The following STRN3 variants were observed in gnomAD, a reference collection of about 807,000 sequenced individuals.
The protein encoded by STRN3 is striatin-3.
Under a neutral mutation model 95.6 loss-of-function variants are expected in STRN3, and 29 were observed. The observed-to-expected ratio is 0.30, with a 90% CI of 0.23 to 0.41. The LOEUF (loss-of-function observed/expected upper bound fraction) is 0.41. Ranked by LOEUF, STRN3 falls within the 10% of genes least tolerant of loss-of-function variation. The pLI, the probability that STRN3 is intolerant of heterozygous loss-of-function variation, is 1.00. For missense variants in STRN3, 890 were observed against 972.1 expected (o/e 0.92, Z 1.12); for synonymous variants, 331 against 357.6 (o/e 0.93, Z 0.84).
chr14:30,981,693 A>C (rs1387137635), intron 1 of STRN3, among the ~76,000 whole-genome samples: 1 of 152,170 alleles, frequency 6.6e-6, no homozygotes, highest in African/African-American at 2.4e-5. Flanking sequence ...CGACCTACCC[A>C]GTACCTGCTC....
At chr14:30,937,512 T>C (rs1049915936) in intron 5 of STRN3, among the ~76,000 whole-genome samples, 3 of 152,222 alleles carry the variant, frequency 2.0e-5, no homozygotes, top group Non-Finnish European at 4.4e-5. Context: ...TTTTATCCAC[T>C]TAACTAAATC....
chr14:30,924,051 T>G (rs1175517201), intron 8 of STRN3, among the ~76,000 whole-genome samples: 1 of 151,714 alleles, frequency 6.6e-6, no homozygotes, highest in African/African-American at 2.4e-5. Context: ...TATTAAAAAG[T>G]GAAAGAAAAC....
chr14:31,004,270 C>T (rs1349185905), intron 1 of STRN3, among the ~76,000 whole-genome samples: 1 of 151,142 alleles, frequency 6.6e-6, no homozygotes, highest in Non-Finnish European at 1.5e-5. Flanking sequence ...CCAGCCTAGG[C>T]AACAGGGTGC....
rs771925063 is a variant in STRN3, at chr14:30,956,204, T to C, written c.321A>G (p.Gln107=). 5.0e-6 allele frequency: 8 copies of C among 1,614,008 alleles called. No individual in the cohort carries two copies. Among genetic ancestry groups the C allele is most frequent in the Middle Eastern group, 1.6e-4 (1 of 6,062 alleles). Reference sequence around the variant, plus strand: ...TTACTAAGTCCTTCTTCAGGTTCTCTTGACCTTTTCTTTCGCCTTGTAGAA... The same window carrying C: ...TTACTAAGTCCTTCTTCAGGTTCTCCTGACCTTTTCTTTCGCCTTGTAGAA... ...IAFLQGERKG[Q]ENLKKDLVRR... The change falls in exon 2 of 18, where the codon CAA becomes CAG. Residue 107 remains glutamine, a synonymous_variant. Coordinates refer to ENST00000357479, the MANE Select transcript of STRN3 (RefSeq NM_001083893.2).
At chr14:30,944,568 TATACAC>T (rs778051167) in intron 5 of STRN3, among the ~76,000 whole-genome samples, 3 of 132,898 alleles carry the variant, frequency 2.3e-5, no homozygotes, top group African/African-American at 9.2e-5. Flanking sequence ...TATATATATA[TATACAC>T]ACACAGACAC....
intron 1 of STRN3, among the ~76,000 whole-genome samples, chr14:30,973,714 A>G (rs1287731940): frequency 6.6e-6 from 1 of 152,240 alleles, no homozygotes; most frequent in Admixed American, 6.5e-5. Context: ...CTGATACTAA[A>G]ATTCTCAACA....
At chr14:30,949,584 T>A (rs959520937) in intron 4 of STRN3, among the ~76,000 whole-genome samples, 5 of 151,700 alleles carry the variant, frequency 3.3e-5, no homozygotes, top group Non-Finnish European at 7.4e-5. Context: ...GTACTCCAGC[T>A]AAGGGAGGAG....
intron 5 of STRN3, among the ~76,000 whole-genome samples, chr14:30,945,719 G>A (rs941622471): frequency 9.2e-5 from 14 of 152,132 alleles, no homozygotes; most frequent in Non-Finnish European, 1.9e-4. Flanking sequence ...GCTATAACAC[G>A]GATAAACCTT....
In STRN3 at chr14:30,909,022, A is replaced by G. The variant is rs186108410; in HGVS notation, c.1721-1978T>C. On this transcript the variant is annotated intron_variant, in intron 13 of 17. Coordinates refer to ENST00000357479, the MANE Select transcript of STRN3 (RefSeq NM_001083893.2). ...CACCTGTTCTGTCCTCGTTTCAATAAATGCTCCCATCACATGCTCAGTTAC... is the reference window on the plus strand; with the variant it reads ...CACCTGTTCTGTCCTCGTTTCAATAGATGCTCCCATCACATGCTCAGTTAC... Among the ~76,000 whole-genome samples, 14 of 152,310 alleles carry G rather than the reference A, an allele frequency of 9.2e-5. No individual in the cohort carries two copies. The East Asian group carries it at 2.1e-3, about 23-fold the overall frequency.
chr14:30,919,556 G>A (rs1234722562), intron 8 of STRN3, among the ~76,000 whole-genome samples: 1 of 152,080 alleles, frequency 6.6e-6, no homozygotes, highest in Non-Finnish European at 1.5e-5. Context: ...AAAGGAATAA[G>A]TACGAGTAAT....
intron 5 of STRN3, among the ~76,000 whole-genome samples, chr14:30,937,192 T>C (rs561170730): frequency 1.3e-5 from 2 of 152,156 alleles, no homozygotes; most frequent in African/African-American, 2.4e-5. Context: ...TGTGTGCCTA[T>C]AGTCTCAGCT....
intron 1 of STRN3, among the ~76,000 whole-genome samples, chr14:31,007,744 TA>T (rs954405114): frequency 9.9e-4 from 145 of 145,846 alleles, no homozygotes; most frequent in Non-Finnish European, 1.8e-3. Context: ...TCTACAAAAA[TA>T]AAAAAAAAAA....
chr14:31,018,428 T>C, intron 1 of STRN3: 1 of 382,204 alleles, frequency 2.6e-6, no homozygotes, highest in Non-Finnish European at 5.0e-6. Flanking sequence ...ACTTTATTCT[T>C]TCTCGACCCT....
At position 30,902,644 on chromosome 14, in the gene STRN3, C is replaced by T; in HGVS notation, c.2030-1G>A. The stretch of plus-strand genomic sequence containing the variant: ...TTGATATGATTATTAGATTGTAAAC[C>T]TGAAAAATAAAGGAAGACAATAAGT... On this transcript the variant is annotated splice_acceptor_variant, in intron 15 of 17. Coordinates refer to ENST00000357479, the MANE Select transcript of STRN3 (RefSeq NM_001083893.2). LOFTEE classifies it high-confidence loss of function. 6.4e-7 allele frequency: 1 copy of T among 1,558,494 alleles called. No individual in the cohort carries two copies. The highest frequency in any genetic ancestry group is 8.7e-7 in the Non-Finnish European group (1 of 1,148,064).
intron 1 of STRN3, among the ~76,000 whole-genome samples, chr14:31,010,466 A>C (rs1287933915): frequency 3.4e-5 from 5 of 148,574 alleles, no homozygotes; most frequent in African/African-American, 1.0e-4. Context: ...AATTTTAATA[A>C]AAGAAAATAA....
chr14:31,013,936 T>TATTATTATTATTATTA (rs1883114941), intron 1 of STRN3, among the ~76,000 whole-genome samples: 2 of 149,248 alleles, frequency 1.3e-5, no homozygotes, highest in African/African-American at 4.9e-5. Flanking sequence ...AGAGTGTCAG[T>TATTATTATTATTATTA]CTATTGACCA....
intron 1 of STRN3, among the ~76,000 whole-genome samples, chr14:30,994,867 T>C (rs1282822831): frequency 6.6e-6 from 1 of 152,220 alleles, no homozygotes; most frequent in Non-Finnish European, 1.5e-5. Context: ...CTCAAAACCA[T>C]CTTATTAAGA....
At chr14:31,024,278 G>A (rs1488218685) in intron 1 of STRN3, among the ~76,000 whole-genome samples, 1 of 152,130 alleles carries the variant, frequency 6.6e-6, no homozygotes, top group Non-Finnish European at 1.5e-5. Flanking sequence ...TATTTAGTGA[G>A]CTTAGGCCTT....
chr14:30,966,533 G>A (rs1370883984), intron 1 of STRN3, among the ~76,000 whole-genome samples: 1 of 152,142 alleles, frequency 6.6e-6, no homozygotes, highest in Non-Finnish European at 1.5e-5. Flanking sequence ...AATAACCCGA[G>A]CTCTCAGCAA....
Sources: allele counts gnomAD v4.1 joint callset (sites outside exome capture counted in the v4.1 genomes callset), GRCh38; gene constraint gnomAD v4.1.1; transcripts MANE v1.5; gene names NCBI Gene and HGNC (gene_info 2026-07-23, HGNC 2026-07-21).